Variants in C4BPA observed in about 807,000 individuals in gnomAD.
C4BPA encodes C4b-binding protein alpha chain.
In C4BPA, 31 loss-of-function variants were observed where a neutral mutation model predicts 63.7. The ratio of observed to expected loss-of-function variants is 0.49; its 90% confidence interval spans 0.37 to 0.66. The LOEUF (loss-of-function observed/expected upper bound fraction) is 0.66, where lower values mean the gene tolerates loss of function less well. Ranked by LOEUF, C4BPA falls within the 30% of genes least tolerant of loss-of-function variation. C4BPA has a pLI of 0.00. For missense variants in C4BPA, 572 were observed against 723.3 expected (o/e 0.79, Z 2.40); for synonymous variants, 259 against 254.7 (o/e 1.02, Z -0.16).
In C4BPA at chr1:207,143,837, A is replaced by G; in HGVS notation, c.1464A>G (p.Glu488=). ...TTACAGCTCTGTGTCGGAAACCAGA[A>G]TTAGTGAATGGAAGGTTGTCTGTGG... ...PQCKALCRKP[E]LVNGRLSVDK... The change falls in exon 11 of 12, where the codon GAA becomes GAG. Residue 488 remains glutamate (E), a synonymous_variant. Transcript: ENST00000367070. The G allele has an allele frequency of 1.2e-6, 2 of 1,613,152 alleles. No individual in the cohort carries two copies.
rs1558089957 is a variant in C4BPA at position 207,119,252 on chromosome 1, C to A, written c.428+3737C>A. Among the ~76,000 whole-genome samples the A allele has an allele frequency of 8.6e-5, 8 of 92,554 alleles. 4 individuals are homozygous for A. The East Asian group carries it at 3.6e-3, about 42-fold the overall frequency. The allele number at this position is 92,554 out of a possible 152,430, so 60.7% of individuals were successfully genotyped here. ...GTGGCCTGGTTGAGCCCTCTACTAA[C>A]AAAGTGATAGAACAGAGAAACAACA... is the stretch of plus-strand genomic sequence containing the variant. On this transcript the variant is annotated intron_variant, in intron 4 of 11. Coordinates refer to ENST00000367070, the MANE Select transcript of C4BPA (RefSeq NM_000715.4).
chr1:207,118,236 T>TATCTATCTATCTATCTATCTATC (rs1417903002), intron 4 of C4BPA, among the ~76,000 whole-genome samples: 49 of 150,032 alleles, frequency 3.3e-4, no homozygotes, highest in African/African-American at 1.2e-3. Flanking sequence ...TCTATCTATC[T>TATCTATCTATCTATCTATCTATC]ATCTATCTAT....
intron 7 of C4BPA, 49 bp downstream of exon 7, chr1:207,126,944 C>A (rs373853470): frequency 2.1e-6 from 3 of 1,453,428 alleles, no homozygotes; most frequent in Non-Finnish European, 1.9e-6. Flanking sequence ...CTAAAGGTAC[C>A]CCGTACTGTT....
chr1:207,137,817 C>T (rs981002628), intron 9 of C4BPA, among the ~76,000 whole-genome samples: 7 of 152,174 alleles, frequency 4.6e-5, no homozygotes, highest in Non-Finnish European at 7.3e-5. Context: ...AGCGTTTCAC[C>T]ATGTTGGCCA....
Position 207,144,963 on chromosome 1 carries a change from T to C in C4BPA, c.*246T>C. 1 of 251,440 alleles carries C rather than the reference T, an allele frequency of 4.0e-6. No individual in the cohort carries two copies. The allele number at this position is 251,440 out of a possible 1,614,324, so 15.6% of individuals were successfully genotyped here. On this transcript the variant is annotated 3_prime_UTR_variant, in exon 12 of 12. Coordinates refer to ENST00000367070, the MANE Select transcript of C4BPA (RefSeq NM_000715.4). The stretch of plus-strand genomic sequence containing the variant: ...TTTTTTTCGATTAAAAATGTATGTA[T>C]AAAAAACTATTTTGTCTTTGTGGTC...
At chr1:207,127,031 AT>A in intron 7 of C4BPA, 136 bp downstream of exon 7, 1 of 645,476 alleles carries the variant, frequency 1.5e-6, no homozygotes, top group Non-Finnish European at 2.6e-6. Flanking sequence ...AATTTCCTTT[AT>A]TTTTTTCTTG....
chr1:207,115,665 C>T (rs1684771112), intron 4 of C4BPA, 150 bp downstream of exon 4: 9 of 467,988 alleles, frequency 1.9e-5, no homozygotes, highest in Admixed American at 1.3e-4. Flanking sequence ...CATTCCTTCC[C>T]GTCCTCAAGC....
At chr1:207,128,548 T>C (rs1346670784) in intron 7 of C4BPA, among the ~76,000 whole-genome samples, 1 of 152,124 alleles carries the variant, frequency 6.6e-6, no homozygotes, top group African/African-American at 2.4e-5. Context: ...CAGATAAAGA[T>C]TGCTGGAGGC....
intron 1 of C4BPA, among the ~76,000 whole-genome samples, chr1:207,108,343 C>T (rs779055357): frequency 9.2e-5 from 12 of 131,086 alleles, no homozygotes; most frequent in Non-Finnish European, 1.5e-4. Flanking sequence ...GTCAGAATTA[C>T]ACTTTTCTGA....
intron 1 of C4BPA, among the ~76,000 whole-genome samples, chr1:207,106,268 G>C (rs1292901855): frequency 6.6e-6 from 1 of 152,082 alleles, no homozygotes; most frequent in African/African-American, 2.4e-5. Flanking sequence ...GTTTGTTAGG[G>C]AAGTCTAGTC....
chr1:207,123,522 A>T (rs1391647480), intron 4 of C4BPA, among the ~76,000 whole-genome samples: 1 of 152,230 alleles, frequency 6.6e-6, no homozygotes, highest in Non-Finnish European at 1.5e-5. Context: ...CTAATGATGT[A>T]TGGGAATAAG....
intron 7 of C4BPA, among the ~76,000 whole-genome samples, 157 bp from the exon 8 acceptor site, chr1:207,131,389 A>T (rs1301440116): frequency 6.6e-6 from 1 of 152,190 alleles, no homozygotes; most frequent in East Asian, 1.9e-4. Flanking sequence ...GCGAATGTCC[A>T]TGTGTGTTTT....
At position 207,138,447 on chromosome 1, in the gene C4BPA, T is replaced by C. The variant is rs113234290; in HGVS notation, c.1274-2659T>C. Among the ~76,000 whole-genome samples the C allele has an allele frequency of 9.6e-3, 1,457 of 152,298 alleles. 16 individuals carry two copies. The highest frequency in any genetic ancestry group is 0.032 in the African/African-American group (1,334 of 41,574). The stretch of plus-strand genomic sequence containing the variant: ...GGGAGCTTTCTCTATCAGGACCTGG[T>C]AGCATGCCAAGAGTTATATTTCAGA... On this transcript the variant is annotated intron_variant, in intron 9 of 11. Coordinates refer to ENST00000367070, the MANE Select transcript of C4BPA (RefSeq NM_000715.4).
At chr1:207,107,885 A>G (rs142737792) in intron 1 of C4BPA, among the ~76,000 whole-genome samples, 1 of 152,304 alleles carries the variant, frequency 6.6e-6, no homozygotes, top group East Asian at 1.9e-4. Flanking sequence ...CCAACTTGAT[A>G]GGACTTGACG....
intron 9 of C4BPA, among the ~76,000 whole-genome samples, chr1:207,140,748 C>T (rs1685396814): frequency 6.6e-6 from 1 of 152,172 alleles, no homozygotes; most frequent in Non-Finnish European, 1.5e-5. Context: ...TACAGTTTCT[C>T]ACAGATGCAA....
chr1:207,144,547 AC>A lies in C4BPA; in HGVS notation c.1629del (p.Glu544LysfsTer22), dbSNP rs755987702. On this transcript the variant is annotated frameshift_variant, in exon 12 of 12. Transcript: ENST00000367070. LOFTEE classifies it low-confidence loss of function (END_TRUNC). ...YPEVPKCEWE[T>X]PEGCEQVLTG... ...ACCCACCACTTATATCTTTTAGGAG[AC>A]CCCCGAAGGCTGTGAACAAGTGCTC... 2 of 1,600,086 alleles carry A rather than the reference AC, an allele frequency of 1.2e-6. No individual in the cohort carries two copies. The highest frequency in any genetic ancestry group is 2.2e-5 in the South Asian group (2 of 89,182).
chr1:207,136,694 A>G (rs890485425), intron 9 of C4BPA, among the ~76,000 whole-genome samples: 1 of 152,230 alleles, frequency 6.6e-6, no homozygotes, highest in Non-Finnish European at 1.5e-5. Flanking sequence ...AGTGAAGGGC[A>G]TGCCATTTCA....
intron 1 of C4BPA, among the ~76,000 whole-genome samples, chr1:207,109,116 A>AG: frequency 6.6e-6 from 1 of 152,326 alleles, no homozygotes; most frequent in South Asian, 2.1e-4. Context: ...GCCCCAGGAC[A>AG]GCCCCAGAGG....
chr1:207,138,588 C>G (rs561477319), intron 9 of C4BPA, among the ~76,000 whole-genome samples: 1 of 152,278 alleles, frequency 6.6e-6, no homozygotes, highest in South Asian at 2.1e-4. Context: ...TTCAAATACA[C>G]TAGGTTCTGC....
Sources: allele counts gnomAD v4.1 joint callset (sites outside exome capture counted in the v4.1 genomes callset), GRCh38; gene constraint gnomAD v4.1.1; transcripts MANE v1.5; gene names NCBI Gene and HGNC (gene_info 2026-07-23, HGNC 2026-07-21).